The following ZNF347 variants were observed in gnomAD, a reference collection of about 807,000 sequenced individuals.
ZNF347 encodes CTD-2620I22.7.
ZNF347 carries 19 observed loss-of-function variants against 12.9 expected under a neutral mutation model. The observed-to-expected ratio is 1.47, with a 90% CI of 1.03 to 2.16. ZNF347 has a LOEUF of 2.16. Ranked by LOEUF, ZNF347 falls within the 30% of genes most tolerant of loss-of-function variation. The pLI is 0.00. For missense variants in ZNF347, 1,005 were observed against 990.6 expected, an observed-to-expected ratio of 1.01 and a Z score of -0.19; for synonymous variants, 328 against 340.6, an observed-to-expected ratio of 0.96 and a Z score of 0.41.
At chr19:53,151,534 T>TAAAAA (rs34905550) in intron 2 of ZNF347, among the ~76,000 whole-genome samples, 9 of 80,358 alleles carry the variant, frequency 1.1e-4, no homozygotes, top group East Asian at 3.7e-4. Context: ...CAAGACTGTC[T>TAAAAA]AAAAAAAAAA....
chr19:53,151,306 C>G (rs1024015014), intron 2 of ZNF347, among the ~76,000 whole-genome samples: 4 of 151,974 alleles, frequency 2.6e-5, no homozygotes, highest in African/African-American at 9.7e-5. Context: ...AAGGTCGAGG[C>G]AGGCAGATCA....
chr19:53,148,611 T>A, intron 4 of ZNF347, 70 bp downstream of exon 4: 1 of 1,512,374 alleles, frequency 6.6e-7, no homozygotes, highest in Non-Finnish European at 8.9e-7. Context: ...CACAGAACTC[T>A]CAGATTTGCA....
At chr19:53,143,179 T>A (rs906431564) in intron 4 of ZNF347, among the ~76,000 whole-genome samples, 1 of 152,122 alleles carries the variant, frequency 6.6e-6, no homozygotes, top group Non-Finnish European at 1.5e-5. Context: ...TTAGTTGATA[T>A]TGATTTGAGA....
intron 2 of ZNF347, among the ~76,000 whole-genome samples, chr19:53,152,787 G>A (rs980049808): frequency 3.3e-5 from 5 of 151,890 alleles, no homozygotes; most frequent in Admixed American, 1.3e-4. Context: ...AAAATTAGCC[G>A]GGCATGGTGG....
intron 2 of ZNF347, among the ~76,000 whole-genome samples, chr19:53,151,534 TAA>T (rs34905550): frequency 0.23 from 18,912 of 80,844 alleles, 1,476 homozygotes; most frequent in African/African-American, 0.32. Flanking sequence ...CAAGACTGTC[TAA>T]AAAAAAAAAA....
chr19:53,157,162 T>TA (rs1368672520), intron 1 of ZNF347, among the ~76,000 whole-genome samples: 3 of 152,208 alleles, frequency 2.0e-5, no homozygotes, highest in Admixed American at 1.3e-4. Context: ...TATACCCTAA[T>TA]ACTAATAATT....
chr19:53,143,482 G>GT (rs1323470392), intron 4 of ZNF347, among the ~76,000 whole-genome samples: 1 of 149,296 alleles, frequency 6.7e-6, no homozygotes, highest in African/African-American at 2.5e-5. Flanking sequence ...GCGGTGTTTG[G>GT]TTTTTTGTCC....
rs1385197854 is a variant in ZNF347, at chr19:53,135,329, TATATATATATAGAG to T, written c.*4965_*4978del. On this transcript the variant is annotated 3_prime_UTR_variant, in exon 5 of 5. Coordinates refer to ENST00000334197, the MANE Select transcript of ZNF347 (RefSeq NM_032584.3). Reference sequence around the variant, plus strand: ...ATATATATATATATATATATATATATATATATATATAGAGAGAGAGAGAGAGAGAGAGAGAGAGA... The same window carrying T: ...ATATATATATATATATATATATATATAGAGAGAGAGAGAGAGAGAGAGAGA... The T allele has an allele frequency of 3.9e-3, 186 of 47,458 alleles. No homozygotes were observed. The highest frequency in any genetic ancestry group is 0.014 in the Middle Eastern group (1 of 74). 2.9% of individuals were successfully genotyped at this position (47,458 alleles called of 1,614,324 possible).
chr19:53,155,294 C>CTG (rs61275588), intron 1 of ZNF347, among the ~76,000 whole-genome samples: 13,114 of 141,740 alleles, frequency 0.093, 544 homozygotes, highest in South Asian at 0.14. Flanking sequence ...AGACTTTATT[C>CTG]TGTGTGTGTG....
chr19:53,149,161 T>A (rs1403500076), intron 3 of ZNF347, 80 bp downstream of exon 3: 4 of 1,581,326 alleles, frequency 2.5e-6, no homozygotes, highest in Non-Finnish European at 3.4e-6. Context: ...AAGCAATGCA[T>A]GAGCTCCCAG....
chr19:53,151,895 C>T (rs1036971480), intron 2 of ZNF347, among the ~76,000 whole-genome samples: 1 of 151,978 alleles, frequency 6.6e-6, no homozygotes, highest in African/African-American at 2.4e-5. Context: ...GAGTTCGAGA[C>T]CAGCCTGACC....
chr19:53,142,569 A>C lies in ZNF347; in HGVS notation c.272-13T>G, dbSNP rs755494239. The C allele has an allele frequency of 7.8e-6, 12 of 1,541,076 alleles. No individual in the cohort carries two copies. The highest frequency in any genetic ancestry group is 1.4e-5 in the African/African-American group (1 of 72,792). On this transcript the variant is annotated splice_polypyrimidine_tract_variant and intron_variant, in intron 4 of 4. Coordinates refer to ENST00000334197, the MANE Select transcript of ZNF347 (RefSeq NM_032584.3). The stretch of plus-strand genomic sequence containing the variant: ...TCGGAAGAGAGAGCTACAAGATATA[A>C]AGATCCATAGGTTTCCAATTAATTG...
At chr19:53,158,912 A>AG in intron 1 of ZNF347, 97 bp downstream of exon 1, 1 of 151,384 alleles carries the variant, frequency 6.6e-6, no homozygotes, top group Non-Finnish European at 1.5e-5. Context: ...AAAAAAAAAA[A>AG]AAAGAAAAAA....
At chr19:53,145,107 A>G (rs939525864) in intron 4 of ZNF347, among the ~76,000 whole-genome samples, 1 of 151,936 alleles carries the variant, frequency 6.6e-6, no homozygotes, top group Non-Finnish European at 1.5e-5. Context: ...CCTGGCCAAC[A>G]TGGTGAAACC....
Position 53,140,676 on chromosome 19 carries a change from A to T in ZNF347, c.2152T>A (p.Phe718Ile). Residue 718 changes from phenylalanine to isoleucine, a missense_variant, in exon 5 of 5, where the codon TTT (phenylalanine) becomes ATT (isoleucine). By Grantham distance (21) the Phe-to-Ile change is conservative (BLOSUM62 0). Coordinates refer to ENST00000334197, the MANE Select transcript of ZNF347 (RefSeq NM_032584.3). ...PYECNQCGKA[F>I]SVRSSLTTHQ... ...GTAGTTAGGCTTGAACGGACACTAA[A>T]GGCTTTCCCACACTGATTACACTCA... 1 of 1,613,502 alleles carries T rather than the reference A, an allele frequency of 6.2e-7. No homozygotes were observed. Among genetic ancestry groups the T allele is most frequent in the Non-Finnish European group, 8.5e-7 (1 of 1,179,930 alleles).
At chr19:53,149,146 C>T in intron 3 of ZNF347, 95 bp downstream of exon 3, 6 of 1,572,442 alleles carry the variant, frequency 3.8e-6, no homozygotes, top group Non-Finnish European at 5.1e-6. Context: ...GCTTCAGTCT[C>T]AGCCAAGCAA....
In ZNF347 at chr19:53,140,286, T is replaced by C. The variant is rs1175696426; in HGVS notation, c.*22A>G. ...ATTCTAACTGCAAAAGTTACCACCT[T>C]CATTTGTAAGGTTTCTCTCCACTAT... is the stretch of plus-strand genomic sequence containing the variant. On this transcript the variant is annotated 3_prime_UTR_variant, in exon 5 of 5. Coordinates refer to ENST00000334197, the MANE Select transcript of ZNF347 (RefSeq NM_032584.3). 2.0e-6 allele frequency: 3 copies of C among 1,521,476 alleles called. No homozygotes were observed. Among genetic ancestry groups the C allele is most frequent in the Non-Finnish European group, 2.6e-6 (3 of 1,136,904 alleles). 94.2% of individuals were successfully genotyped at this position (1,521,476 alleles called of 1,614,324 possible).
intron 1 of ZNF347, among the ~76,000 whole-genome samples, chr19:53,155,060 C>A (rs1353555130): frequency 6.6e-6 from 1 of 151,768 alleles, no homozygotes; most frequent in African/African-American, 2.4e-5. Context: ...GCCTCAACCT[C>A]CAGAGTAGCT....
chr19:53,137,658 T>C lies in ZNF347; in HGVS notation c.*2650A>G, dbSNP rs957157033. ...CAAAAACATGATAAGGCTAAATTTA[T>C]GAAACTTCTAGTTTACCTACAAAAA... is the stretch of plus-strand genomic sequence containing the variant. On this transcript the variant is annotated 3_prime_UTR_variant, in exon 5 of 5. Coordinates refer to ENST00000334197, the MANE Select transcript of ZNF347 (RefSeq NM_032584.3). 1 of 152,226 alleles carries C rather than the reference T, an allele frequency of 6.6e-6. No homozygotes were observed. The allele number at this position is 152,226 out of a possible 1,614,324, so 9.4% of individuals were successfully genotyped here. A position where few individuals can be genotyped will look rare whatever the true frequency, so the allele number is the denominator to read the frequency against.
Sources: allele counts gnomAD v4.1 joint callset (sites outside exome capture counted in the v4.1 genomes callset), GRCh38; gene constraint gnomAD v4.1.1; transcripts MANE v1.5; gene names NCBI Gene and HGNC (gene_info 2026-07-23, HGNC 2026-07-21).